Variants in IL21R observed in about 807,000 individuals in gnomAD.
The protein encoded by IL21R is interleukin 21 receptor.
Under a neutral mutation model 41.3 loss-of-function variants are expected in IL21R, and 14 were observed. The observed-to-expected ratio is 0.34, with a 90% CI of 0.22 to 0.53. The LOEUF (loss-of-function observed/expected upper bound fraction) is 0.53. Among genes scored for constraint, IL21R ranks in the 20% least tolerant of loss-of-function variants. The pLI, the probability that IL21R is intolerant of heterozygous loss-of-function variation, is 0.94. For synonymous variants in IL21R, 286 were observed against 287.6 expected (o/e 0.99, Z 0.05); for missense variants, 588 against 681.6 (o/e 0.86, Z 1.53).
intron 3 of IL21R, among the ~76,000 whole-genome samples, chr16:27,435,232 G>A (rs1040319565): frequency 6.6e-6 from 1 of 151,914 alleles, no homozygotes; most frequent in African/African-American, 2.4e-5. Flanking sequence ...TCCAGCCTGG[G>A]CAAAAAAGCA....
intron 1 of IL21R, among the ~76,000 whole-genome samples, chr16:27,426,970 A>T (rs2087088142): frequency 6.6e-6 from 1 of 152,146 alleles, no homozygotes. Context: ...CCATGATGCC[A>T]TGGGGACTCC....
intron 1 of IL21R, among the ~76,000 whole-genome samples, chr16:27,414,165 AGTGTGTGTGT>A (rs3917005): frequency 6.9e-6 from 1 of 144,288 alleles, no homozygotes; most frequent in South Asian, 2.3e-4. Flanking sequence ...AGCTATGTAT[AGTGTGTGTGT>A]GTGTGTGTGT....
At chr16:27,403,360 C>T (rs557569893) in intron 1 of IL21R, 7 of 770,246 alleles carry the variant, frequency 9.1e-6, no homozygotes, top group Middle Eastern at 1.0e-3. Context: ...GGACTTGCCG[C>T]AGGAATGACG....
At position 27,443,046 on chromosome 16, in the gene IL21R, C is replaced by A. The variant is rs774265226; in HGVS notation, c.437C>A (p.Ala146Asp). The change falls in exon 5 of 9, where the codon GCC (alanine) becomes GAC (aspartate). Residue 146 changes from alanine to aspartate, a missense_variant. Transcript: ENST00000337929. ...ISWRSDYEDP[A>D]FYMLKGKLQY... ...TGGCGCTCAGATTACGAAGACCCTG[C>A]CTTCTACATGCTGAAGGGCAAGCTT... 6.2e-7 allele frequency: 1 copy of A among 1,613,948 alleles called. No homozygotes were observed. Among genetic ancestry groups the A allele is most frequent in the East Asian group, 2.2e-5 (1 of 44,880 alleles).
At chr16:27,425,041 T>G (rs1302934140) in intron 1 of IL21R, among the ~76,000 whole-genome samples, 2 of 152,202 alleles carry the variant, frequency 1.3e-5, no homozygotes, top group African/African-American at 4.8e-5. Context: ...AAGCCATTCA[T>G]GAGAAATCCG....
intron 3 of IL21R, among the ~76,000 whole-genome samples, chr16:27,434,960 A>C (rs1039699123): frequency 4.6e-5 from 7 of 152,140 alleles, no homozygotes; most frequent in African/African-American, 1.7e-4. Context: ...CAGCTCATTC[A>C]TTCATTCAAA....
At chr16:27,439,992 T>C (rs1459460708) in intron 4 of IL21R, among the ~76,000 whole-genome samples, 1 of 151,998 alleles carries the variant, frequency 6.6e-6, no homozygotes, top group Admixed American at 6.6e-5. Flanking sequence ...AGAGCCGGCC[T>C]CCACCTGCCC....
At chr16:27,439,900 A>G (rs1057011425) in intron 4 of IL21R, among the ~76,000 whole-genome samples, 16 of 151,834 alleles carry the variant, frequency 1.1e-4, no homozygotes, top group Non-Finnish European at 1.8e-4. Flanking sequence ...CTCTGCAAAC[A>G]TCTCCCGAGT....
chr16:27,444,709 C>T lies in IL21R; in HGVS notation c.675C>T (p.Thr225=), dbSNP rs866259046. ...GGAGTGACCCGGTCATCTTTCAGAC[C>T]CAGTCAGAGGGTAGGTGTGAAGCTG... ...SEWSDPVIFQ[T]QSEELKEGWN... Residue 225 remains threonine (T), a synonymous_variant, in exon 6 of 9, where the codon ACC becomes ACT. Coordinates refer to ENST00000337929, the MANE Select transcript of IL21R (RefSeq NM_181078.3). 2.7e-6 allele frequency: 4 copies of T among 1,503,384 alleles called. No individual in the cohort carries two copies. Among genetic ancestry groups the T allele is most frequent in the South Asian group, 1.4e-5 (1 of 73,658 alleles). The allele number at this position is 1,503,384 out of a possible 1,614,324, so 93.1% of individuals were successfully genotyped here.
chr16:27,450,582 C>CTTTTTT lies in IL21R; in HGVS notation c.*1308_*1313dup, dbSNP rs553596346. On this transcript the variant is annotated 3_prime_UTR_variant, in exon 9 of 9. Transcript: ENST00000337929. Reference sequence around the variant, plus strand: ...TATTTCTTAGCAACATTTTCTTTTTCTTTTTTTTTTTTTTCTTTTGAGACA... The same window carrying CTTTTTT: ...TATTTCTTAGCAACATTTTCTTTTTCTTTTTTTTTTTTTTTTTTTTCTTTTGAGACA... 23 of 181,494 alleles carry CTTTTTT rather than the reference C, an allele frequency of 1.3e-4. No homozygotes were observed. Among genetic ancestry groups the CTTTTTT allele is most frequent in the African/African-American group, 1.2e-4 (5 of 41,152 alleles). 11.2% of individuals were successfully genotyped at this position (181,494 alleles called of 1,614,324 possible). A position where few individuals can be genotyped will look rare whatever the true frequency, so the allele number is the denominator to read the frequency against.
intron 5 of IL21R, chr16:27,444,121 C>A (rs915237654): frequency 6.6e-6 from 1 of 152,124 alleles, no homozygotes; most frequent in African/African-American, 2.4e-5. Flanking sequence ...AATTCTTCAA[C>A]AGTTGAAGAC....
chr16:27,436,435 G>A (rs1370505542), intron 3 of IL21R, among the ~76,000 whole-genome samples: 1 of 152,238 alleles, frequency 6.6e-6, no homozygotes, highest in Non-Finnish European at 1.5e-5. Flanking sequence ...GTGAGGCAGG[G>A]TGAGGGGGAA....
intron 1 of IL21R, among the ~76,000 whole-genome samples, chr16:27,411,212 A>T (rs2086816786): frequency 6.6e-6 from 1 of 151,920 alleles, no homozygotes; most frequent in Admixed American, 6.6e-5. Flanking sequence ...AAAATTTTTT[A>T]AAGTTTCGCA....
chr16:27,410,019 G>A (rs2086802801), intron 1 of IL21R, among the ~76,000 whole-genome samples: 1 of 152,104 alleles, frequency 6.6e-6, no homozygotes, highest in African/African-American at 2.4e-5. Flanking sequence ...TCTTAGTAAT[G>A]TCTTGTAGGT....
chr16:27,426,153 G>A (rs978509935), intron 1 of IL21R, among the ~76,000 whole-genome samples: 4 of 152,182 alleles, frequency 2.6e-5, no homozygotes, highest in Non-Finnish European at 5.9e-5. Context: ...TTACAGATGA[G>A]GCCCAGAAAG....
chr16:27,421,548 C>G (rs1387534220), intron 1 of IL21R, among the ~76,000 whole-genome samples: 1 of 152,066 alleles, frequency 6.6e-6, no homozygotes, highest in East Asian at 1.9e-4. Flanking sequence ...ACAAATTCAT[C>G]TCATATTAAC....
chr16:27,435,496 C>T (rs1245946870), intron 3 of IL21R, among the ~76,000 whole-genome samples: 1 of 151,688 alleles, frequency 6.6e-6, no homozygotes, highest in Non-Finnish European at 1.5e-5. Context: ...CTCTGTTGCC[C>T]AGGCTGGAGT....
intron 1 of IL21R, among the ~76,000 whole-genome samples, chr16:27,423,863 GT>G (rs551218089): frequency 1.3e-4 from 20 of 152,248 alleles, no homozygotes; most frequent in Admixed American, 3.3e-4. Flanking sequence ...AAGTTACTGG[GT>G]TTTAGGTAGG....
At chr16:27,438,666 G>A (rs1214339086) in intron 4 of IL21R, among the ~76,000 whole-genome samples, 2 of 152,144 alleles carry the variant, frequency 1.3e-5, no homozygotes, top group East Asian at 1.9e-4. Flanking sequence ...TCAGGTGTTC[G>A]AGACCAGCCT....
Sources: allele counts gnomAD v4.1 joint callset (sites outside exome capture counted in the v4.1 genomes callset), GRCh38; gene constraint gnomAD v4.1.1; transcripts MANE v1.5; gene names NCBI Gene and HGNC (gene_info 2026-07-23, HGNC 2026-07-21).